The following CAST variants were observed in gnomAD, a reference collection of about 807,000 sequenced individuals.
CAST encodes MIR583 host.
A neutral mutation model predicts 119.6 loss-of-function variants in CAST; 76 were observed. That is an observed-to-expected ratio of 0.64 (90% CI 0.53 to 0.77). CAST has a LOEUF of 0.77. CAST is among the 30% of genes least tolerant of loss of function. The pLI is 0.00. For synonymous variants in CAST, 319 were observed against 331.6 expected (o/e 0.96, Z 0.41); for missense variants, 953 against 946.5 (o/e 1.01, Z -0.09).
At chr5:96,768,032 ATGTG>A (rs747287648) in intron 29 of CAST, 33 bp downstream of exon 29, 6 of 1,343,702 alleles carry the variant, frequency 4.5e-6, no homozygotes, top group Non-Finnish European at 6.4e-6. Context: ...ACTCTTTGAA[ATGTG>A]TGTGTGTGTA....
At chr5:96,420,927 T>C in the CAST span, among the ~76,000 whole-genome samples, 4 of 152,340 alleles carry the variant, frequency 2.6e-5, no homozygotes, top group East Asian at 5.8e-4. Flanking sequence ...GCTTGGCTTT[T>C]TCCATCCTCA....
chr5:96,249,528 A>T, the CAST span, among the ~76,000 whole-genome samples: 2 of 152,254 alleles, frequency 1.3e-5, no homozygotes, highest in Non-Finnish European at 2.9e-5. Context: ...ACAAGTATCT[A>T]TAACGACCAC....
the CAST span, among the ~76,000 whole-genome samples, chr5:96,015,985 A>G: frequency 1.3e-5 from 2 of 152,150 alleles, no homozygotes; most frequent in African/African-American, 2.4e-5. Context: ...GGTGTGATTC[A>G]TGTCCATAGT....
At chr5:95,992,856 A>T in the CAST span, among the ~76,000 whole-genome samples, 4 of 152,278 alleles carry the variant, frequency 2.6e-5, no homozygotes, top group East Asian at 7.7e-4. Context: ...AAGTTTATTT[A>T]AAAAAATTGT....
the CAST span, among the ~76,000 whole-genome samples, chr5:96,222,814 A>T: frequency 2.6e-5 from 4 of 152,148 alleles, no homozygotes; most frequent in African/African-American, 9.7e-5. Flanking sequence ...CTGCACCCCT[A>T]TGTTTATTGC....
intron 1 of CAST, among the ~76,000 whole-genome samples, chr5:96,589,376 A>G (rs1554069480): frequency 6.6e-6 from 1 of 152,204 alleles, no homozygotes; most frequent in Non-Finnish European, 1.5e-5. Flanking sequence ...ATATCATAGT[A>G]TGTCAATCCT....
chr5:96,272,204 G>T, the CAST span, among the ~76,000 whole-genome samples: 30 of 152,224 alleles, frequency 2.0e-4, no homozygotes, highest in South Asian at 1.9e-3. Flanking sequence ...CTCTATGGAG[G>T]TTCCTCAAAA....
At chr5:96,509,150 T>A in the CAST span, among the ~76,000 whole-genome samples, 1 of 152,222 alleles carries the variant, frequency 6.6e-6, no homozygotes, top group Admixed American at 6.5e-5. Flanking sequence ...TAAAATACTT[T>A]AAATAATCTC....
At chr5:96,340,356 A>C in the CAST span, among the ~76,000 whole-genome samples, 164 of 109,768 alleles carry the variant, frequency 1.5e-3, no homozygotes, top group Middle Eastern at 4.5e-3. Context: ...CTCAACCCCC[A>C]CTCTCCCCCT....
intron 1 of CAST, among the ~76,000 whole-genome samples, chr5:96,613,344 G>A (rs6859114): frequency 0.021 from 3,262 of 152,152 alleles, 124 homozygotes; most frequent in African/African-American, 0.067. Context: ...AAGTATTCTC[G>A]AAGGTCTTTC....
intron 3 of CAST, among the ~76,000 whole-genome samples, chr5:96,697,649 A>G (rs1459816140): frequency 3.3e-5 from 5 of 152,230 alleles, no homozygotes; most frequent in African/African-American, 9.6e-5. Flanking sequence ...CTGCTGCTGG[A>G]GACACCACAG....
the CAST span, among the ~76,000 whole-genome samples, chr5:96,445,611 A>G: frequency 6.6e-6 from 1 of 151,052 alleles, no homozygotes; most frequent in Admixed American, 6.6e-5. Context: ...CCAGTGTTCC[A>G]CTCTTCTATT....
At chr5:96,715,181 T>C (rs1756984725) in intron 3 of CAST, 1 of 152,234 alleles carries the variant, frequency 6.6e-6, no homozygotes. Context: ...ATGTACAGCC[T>C]ACTCTGCCAA....
intron 3 of CAST, among the ~76,000 whole-genome samples, chr5:96,715,842 C>A (rs1464930942): frequency 6.6e-6 from 1 of 152,180 alleles, no homozygotes; most frequent in Non-Finnish European, 1.5e-5. Flanking sequence ...TTCTGAGATA[C>A]AAGTTGGCAC....
intron 1 of CAST, among the ~76,000 whole-genome samples, chr5:96,642,174 A>G (rs1747958535): frequency 6.6e-6 from 1 of 152,164 alleles, no homozygotes; most frequent in African/African-American, 2.4e-5. Flanking sequence ...GCAATGATAC[A>G]ATTCTTCTCT....
At chr5:96,190,467 G>A in the CAST span, among the ~76,000 whole-genome samples, 4 of 152,184 alleles carry the variant, frequency 2.6e-5, no homozygotes, top group Admixed American at 1.3e-4. Flanking sequence ...GGGGAATTAG[G>A]CGCCATCTTT....
the CAST span, among the ~76,000 whole-genome samples, chr5:96,498,084 A>G: frequency 1.4e-4 from 21 of 152,218 alleles, no homozygotes; most frequent in Non-Finnish European, 2.4e-4. Flanking sequence ...ACATATGGCT[A>G]GCCAATTTTC....
the CAST span, among the ~76,000 whole-genome samples, chr5:96,350,105 T>G: frequency 6.6e-6 from 1 of 152,186 alleles, no homozygotes; most frequent in African/African-American, 2.4e-5. Context: ...TTTAGAAAGT[T>G]TATTTTGCCA....
At chr5:96,730,562 G>C (rs780202139) in intron 8 of CAST, among the ~76,000 whole-genome samples, 2 of 152,162 alleles carry the variant, frequency 1.3e-5, no homozygotes, top group Non-Finnish European at 2.9e-5. Context: ...TAGCCTGATT[G>C]ACCTACGCAA....
Sources: gnomAD v4.1 joint callset for allele counts (sites outside exome capture counted in the v4.1 genomes callset) on GRCh38, gnomAD v4.1.1 for gene constraint, MANE v1.5 for transcripts, NCBI Gene and HGNC (gene_info 2026-07-23, HGNC 2026-07-21) for gene names.